The following PNN variants were observed in gnomAD, a reference collection of about 807,000 sequenced individuals.
PNN encodes pinin.
In PNN, 38 loss-of-function variants were observed where a neutral mutation model predicts 76.6. The ratio of observed to expected loss-of-function variants is 0.50; its 90% CI spans 0.38 to 0.65. The LOEUF (loss-of-function observed/expected upper bound fraction) is 0.65, where lower values mean the gene tolerates loss of function less well. PNN is among the 30% of genes least tolerant of loss of function. The pLI is 0.00. For missense variants in PNN, 873 were observed against 874.1 expected, an observed-to-expected ratio of 1.00 and a Z score of 0.02; for synonymous variants, 366 against 283.7, an observed-to-expected ratio of 1.29 and a Z score of -2.91.
At position 39,182,434 on chromosome 14, in the gene PNN, T is replaced by A. The variant is rs1005712339; in HGVS notation, c.*571T>A. The A allele has an allele frequency of 6.5e-6, 1 of 152,762 alleles. No individual in the cohort carries two copies. Among genetic ancestry groups the A allele is most frequent in the African/African-American group, 2.4e-5 (1 of 41,472 alleles). The allele number at this position is 152,762 out of a possible 1,614,324, so 9.5% of individuals were successfully genotyped here. The stretch of plus-strand genomic sequence containing the variant: ...AGCTTTGAGGGGGAACAGTTCTCTT[T>A]AAAATCATTTGCTATTTTCTATTCT... On this transcript the variant is annotated 3_prime_UTR_variant, in exon 9 of 9. Coordinates refer to ENST00000216832, the MANE Select transcript of PNN (RefSeq NM_002687.4).
chr14:39,177,391 A>C, intron 3 of PNN, 21 bp from the exon 4 acceptor site: 1 of 1,610,004 alleles, frequency 6.2e-7, no homozygotes, highest in Non-Finnish European at 8.5e-7. Flanking sequence ...GTCTCAAAAA[A>C]ATTAATATTT....
At chr14:39,176,173 T>C (rs763078162) in intron 2 of PNN, 24 bp downstream of exon 2, 1 of 1,352,202 alleles carries the variant, frequency 7.4e-7, no homozygotes, top group South Asian at 1.2e-5. Context: ...TGGACTTTAC[T>C]CATGCTGAAA....
chr14:39,177,703 A>G lies in PNN; in HGVS notation c.422+16A>G. The G allele has an allele frequency of 1.3e-6, 2 of 1,573,294 alleles. No individual in the cohort carries two copies. Among genetic ancestry groups the G allele is most frequent in the South Asian group, 1.1e-5 (1 of 90,172 alleles). ...GAAAGCAAAGGTATTTCCCTGGGGG[A>G]AAAAAACTCTAGTGAAATAATGCAG... On this transcript the variant is annotated intron_variant, in intron 5 of 8. Coordinates refer to ENST00000216832, the MANE Select transcript of PNN (RefSeq NM_002687.4).
At chr14:39,175,491 T>G in intron 1 of PNN, 99 bp downstream of exon 1, 1 of 761,460 alleles carries the variant, frequency 1.3e-6, no homozygotes, top group African/African-American at 1.7e-5. Flanking sequence ...TTAAGAAGAC[T>G]GGAACCTCGA....
At chr14:39,175,682 G>T (rs546398440) in intron 1 of PNN, 3 of 488,190 alleles carry the variant, frequency 6.1e-6, no homozygotes, top group African/African-American at 6.0e-5. Context: ...CGGCCCTGCA[G>T]GCCCGGAACT....
chr14:39,175,641 TG>T, intron 1 of PNN: 1 of 528,818 alleles, frequency 1.9e-6, no homozygotes, highest in Non-Finnish European at 3.3e-6. Flanking sequence ...TCTTGGCCTG[TG>T]AGAAGACCCG....
chr14:39,176,361 C>T lies in PNN; in HGVS notation c.186-166C>T, dbSNP rs965857062. 5 of 643,876 alleles carry T rather than the reference C, an allele frequency of 7.8e-6. No homozygotes were observed. In the South Asian group the frequency reaches 8.2e-5, roughly 11 times the overall value. The allele number at this position is 643,876 out of a possible 1,614,324, so 39.9% of individuals were successfully genotyped here. ...ATTAAGTTTACCAATTTTGAGTGAA[C>T]TTAATTCTTATAAAGTAACACTATA... On this transcript the variant is annotated intron_variant, in intron 2 of 8. Coordinates refer to ENST00000216832, the MANE Select transcript of PNN (RefSeq NM_002687.4).
rs1280344037 is a variant in PNN, at chr14:39,176,084, C to T, written c.120C>T (p.Ile40=). 1.9e-6 allele frequency: 3 copies of T among 1,599,972 alleles called. No individual in the cohort carries two copies. Among genetic ancestry groups the T allele is most frequent in the South Asian group, 2.2e-5 (2 of 90,764 alleles). Reference sequence around the variant, plus strand: ...ATTTGTAAATCTTTTACAGGCCCATCCAAGCCAGATTGCTGGCCCTTTCTG... The same window carrying T: ...ATTTGTAAATCTTTTACAGGCCCATTCAAGCCAGATTGCTGGCCCTTTCTG... ...TGRDPNDVRP[I]QARLLALSGP... is the part of the protein sequence containing the mutation. Residue 40 remains isoleucine, a synonymous_variant, in exon 2 of 9, where the codon ATC becomes ATT. Coordinates refer to ENST00000216832, the MANE Select transcript of PNN (RefSeq NM_002687.4).
At position 39,180,673 on chromosome 14, in the gene PNN, A is replaced by G. The variant is rs748138901; in HGVS notation, c.964A>G (p.Thr322Ala). 20 of 1,611,148 alleles carry G rather than the reference A, an allele frequency of 1.2e-5. No homozygotes were observed. The highest frequency in any genetic ancestry group is 1.6e-5 in the Non-Finnish European group (19 of 1,178,446). Residue 322 changes from threonine (T) to alanine (A), a missense_variant, in exon 9 of 9, where the codon ACA becomes GCA. Transcript: ENST00000216832. ...VAQREEELEETGNQHNDVEIE... is the reference protein window; with the variant it reads ...VAQREEELEEAGNQHNDVEIE... Reference sequence around the variant, plus strand: ...TCAGCGAGAGGAAGAGTTGGAGGAGACAGGTAATCAGCACAATGATGTAGA... The same window carrying G: ...TCAGCGAGAGGAAGAGTTGGAGGAGGCAGGTAATCAGCACAATGATGTAGA...
At chr14:39,180,430 G>A in intron 8 of PNN, 73 bp from the exon 9 acceptor site, 1 of 1,424,838 alleles carries the variant, frequency 7.0e-7, no homozygotes, top group Non-Finnish European at 9.3e-7. Flanking sequence ...GACAATTTGT[G>A]ACCAGTTATA....
chr14:39,181,626 A>T lies in PNN; in HGVS notation c.1917A>T (p.Gly639=). 6.2e-7 allele frequency: 1 copy of T among 1,614,122 alleles called. No homozygotes were observed. Reference sequence around the variant, plus strand: ...GTAGAAGTCGGAGTAGGGGCCGGGGACATAATAGAGATAGAAAGCACAGAA... The same window carrying T: ...GTAGAAGTCGGAGTAGGGGCCGGGGTCATAATAGAGATAGAAAGCACAGAA... The part of the protein sequence containing the change: ...SESRSRSRGR[G]HNRDRKHRRS... Residue 639 remains glycine (G), a synonymous_variant, in exon 9 of 9, where the codon GGA becomes GGT. Transcript: ENST00000216832.
At chr14:39,178,721 A>G (rs1707847479) in intron 6 of PNN, among the ~76,000 whole-genome samples, 1 of 123,022 alleles carries the variant, frequency 8.1e-6, no homozygotes, top group Admixed American at 7.9e-5. Flanking sequence ...ACCTTTACAT[A>G]GTGAAAAAAA....
In PNN at chr14:39,181,619, G is replaced by T. The variant is rs1336902379; in HGVS notation, c.1910G>T (p.Gly637Val). 1 of 1,614,116 alleles carries T rather than the reference G, an allele frequency of 6.2e-7. No homozygotes were observed. The highest frequency in any genetic ancestry group is 2.2e-5 in the East Asian group (1 of 44,878). Residue 637 changes from glycine (G) to valine (V), a missense_variant, in exon 9 of 9, where the codon GGC becomes GTC. Gly to Val is a moderately radical substitution (Grantham distance 109). Around this residue, in one of 3 missense-constraint regions of PNN, gnomAD observed 712 missense variants for 693.1 expected, o/e 1.03. Coordinates refer to ENST00000216832, the MANE Select transcript of PNN (RefSeq NM_002687.4). ...SSSESRSRSR[G>V]RGHNRDRKHR... ...AGTGAGAGTAGAAGTCGGAGTAGGGGCCGGGGACATAATAGAGATAGAAAG... is the reference window on the plus strand; with the variant it reads ...AGTGAGAGTAGAAGTCGGAGTAGGGTCCGGGGACATAATAGAGATAGAAAG...
At chr14:39,179,290 T>G in intron 7 of PNN, 34 bp from the exon 8 acceptor site, 1 of 1,608,780 alleles carries the variant, frequency 6.2e-7, no homozygotes, top group East Asian at 2.2e-5. Flanking sequence ...TCCTTTGTGT[T>G]TACAAAAGCA....
intron 3 of PNN, 92 bp downstream of exon 3, chr14:39,176,687 A>G (rs2053228219): frequency 1.2e-6 from 1 of 826,898 alleles, no homozygotes; most frequent in East Asian, 2.7e-5. Flanking sequence ...TGTTTCAGCA[A>G]TATTAAAATT....
chr14:39,178,572 T>G (rs1241874518), intron 6 of PNN, among the ~76,000 whole-genome samples: 2 of 151,856 alleles, frequency 1.3e-5, no homozygotes, highest in Admixed American at 6.6e-5. Flanking sequence ...ATACCTTTTT[T>G]TTTTCTTTTT....
rs1403486709 is a variant in PNN at position 39,177,700 on chromosome 14, G to C, written c.422+13G>C. Reference sequence around the variant, plus strand: ...AGGGAAAGCAAAGGTATTTCCCTGGGGGAAAAAAACTCTAGTGAAATAATG... The same window carrying C: ...AGGGAAAGCAAAGGTATTTCCCTGGCGGAAAAAAACTCTAGTGAAATAATG... On this transcript the variant is annotated intron_variant, in intron 5 of 8. Coordinates refer to ENST00000216832, the MANE Select transcript of PNN (RefSeq NM_002687.4). 1 of 1,589,272 alleles carries C rather than the reference G, an allele frequency of 6.3e-7. No homozygotes were observed. Among genetic ancestry groups the C allele is most frequent in the South Asian group, 1.1e-5 (1 of 90,466 alleles).
rs1431023966 is a variant in PNN at position 39,181,155 on chromosome 14, C to CCAGCTT, written c.1455_1460dup (p.Leu486_Gln487dup). 2 of 1,605,860 alleles carry CCAGCTT rather than the reference C, an allele frequency of 1.2e-6. No homozygotes were observed. The highest frequency in any genetic ancestry group is 1.3e-5 in the African/African-American group (1 of 74,880). ...CTCAACCTCAGCCTCAGTCTCAGCCCCAGCTTCAGCTTCAATCCCAGTCCC... is the reference window on the plus strand; with the variant it reads ...CTCAACCTCAGCCTCAGTCTCAGCCCCAGCTTCAGCTTCAGCTTCAATCCCAGTCCC... On this transcript the variant is annotated inframe_insertion, in exon 9 of 9. Transcript: ENST00000216832.
At chr14:39,176,335 T>C in intron 2 of PNN, 186 bp downstream of exon 2, 1 of 633,512 alleles carries the variant, frequency 1.6e-6, no homozygotes, top group Non-Finnish European at 2.8e-6. Flanking sequence ...TTGAAGAATA[T>C]ATTAAGTTTA....
Sources: allele counts gnomAD v4.1 joint callset (sites outside exome capture counted in the v4.1 genomes callset), GRCh38; gene constraint gnomAD v4.1.1; regional missense constraint gnomAD v4.1.1; transcripts MANE v1.5; gene names NCBI Gene and HGNC (gene_info 2026-07-23, HGNC 2026-07-21).